CLDN16: variants seen among roughly 807,000 people sequenced by gnomAD.
The protein encoded by CLDN16 is claudin 16.
In CLDN16, 13 loss-of-function variants were observed where a neutral mutation model predicts 24.6. That is an observed-to-expected ratio of 0.53 (90% CI 0.34 to 0.84). CLDN16 has a LOEUF of 0.84. CLDN16 is among the 40% of genes least tolerant of loss of function. The pLI is 0.01. For missense variants in CLDN16, 298 were observed against 292.7 expected, an observed-to-expected ratio of 1.02 and a Z score of -0.13; for synonymous variants, 116 against 106.7, an observed-to-expected ratio of 1.09 and a Z score of -0.54.
the CLDN16 span, chr3:190,307,829 A>G: frequency 0.65 from 103,807 of 159,180 alleles, 34,932 homozygotes; most frequent in African/African-American, 0.82. Flanking sequence ...ATGTATATAT[A>G]GACGAAAAAG....
At chr3:190,355,269 T>G (rs894181241) in intron 1 of CLDN16, among the ~76,000 whole-genome samples, 2 of 151,912 alleles carry the variant, frequency 1.3e-5, no homozygotes, top group Non-Finnish European at 2.9e-5. Context: ...GTTGTTGATG[T>G]CTTTAACTTT....
chr3:190,319,230 C>G (rs9839711), upstream of CLDN16, among the ~76,000 whole-genome samples: 19,753 of 152,112 alleles, frequency 0.13, 1,409 homozygotes, highest in Middle Eastern at 0.22. Flanking sequence ...GCGAGAGGTA[C>G]AGGTGAATCA....
intron 3 of CLDN16, among the ~76,000 whole-genome samples, chr3:190,407,265 G>T (rs935927649): frequency 1.3e-5 from 2 of 152,124 alleles, no homozygotes; most frequent in Non-Finnish European, 2.9e-5. Flanking sequence ...GTGAACACAT[G>T]CATCTAACTT....
intron 1 of CLDN16, among the ~76,000 whole-genome samples, chr3:190,365,992 T>C (rs1436271157): frequency 6.6e-6 from 1 of 151,878 alleles, no homozygotes; most frequent in Non-Finnish European, 1.5e-5. Context: ...GGGCCACTCT[T>C]ACAACCAGAG....
intron 1 of CLDN16, among the ~76,000 whole-genome samples, chr3:190,360,953 C>T (rs1560087428): frequency 6.6e-6 from 1 of 151,800 alleles, no homozygotes; most frequent in Non-Finnish European, 1.5e-5. Context: ...GTGATAAACT[C>T]CATAATACGT....
the CLDN16 span, among the ~76,000 whole-genome samples, chr3:190,302,423 A>G: frequency 6.6e-6 from 1 of 152,208 alleles, no homozygotes; most frequent in Non-Finnish European, 1.5e-5. Context: ...GCACAACTCC[A>G]GGGGCACCAT....
At chr3:190,313,754 C>G in the CLDN16 span, among the ~76,000 whole-genome samples, 1 of 152,168 alleles carries the variant, frequency 6.6e-6, no homozygotes, top group African/African-American at 2.4e-5. Flanking sequence ...ATAGCACACA[C>G]AATAATTCAA....
chr3:190,324,432 C>G (rs4011796), intron 1 of CLDN16, among the ~76,000 whole-genome samples: 100,321 of 152,078 alleles, frequency 0.66, 34,347 homozygotes, highest in East Asian at 0.93. Flanking sequence ...GCAGTGAGCC[C>G]AGATCGTGCC....
At chr3:190,321,917 G>T, upstream of CLDN16, 1 of 1,153,796 alleles carries the variant, frequency 8.7e-7, no homozygotes, top group Non-Finnish European at 1.3e-6. Flanking sequence ...AACAGAATGA[G>T]CCCATAAGGG....
At chr3:190,405,653 C>T (rs984301467) in intron 3 of CLDN16, among the ~76,000 whole-genome samples, 1 of 152,066 alleles carries the variant, frequency 6.6e-6, no homozygotes, top group Non-Finnish European at 1.5e-5. Context: ...TGTGCCAAGT[C>T]CTATGTTAAA....
upstream of CLDN16, among the ~76,000 whole-genome samples, chr3:190,386,183 G>A (rs149375155): frequency 2.4e-3 from 364 of 152,218 alleles, 2 homozygotes; most frequent in African/African-American, 8.5e-3. Context: ...CAGATTTTAG[G>A]GCACAGGGAA....
intron 1 of CLDN16, among the ~76,000 whole-genome samples, chr3:190,337,364 G>C (rs752890743): frequency 6.6e-6 from 1 of 152,192 alleles, no homozygotes; most frequent in Non-Finnish European, 1.5e-5. Flanking sequence ...CAGAAACTAA[G>C]AAGAACTCAC....
In CLDN16 at chr3:190,408,326, T is replaced by C; in HGVS notation, c.395T>C (p.Ile132Thr). The change falls in exon 4 of 5, where the codon ATC (isoleucine) becomes ACC (threonine). Residue 132 changes from isoleucine (I) to threonine (T), a missense_variant. Coordinates refer to ENST00000264734, the MANE Select transcript of CLDN16 (RefSeq NM_006580.4). ...ATLLIAGTPG[I>T]IGSVWYAVDV... ...CCCTTTCTTTCAGGTACCCCAGGAATCATTGGCTCTGTGTGGTATGCTGTT... is the reference window on the plus strand; with the variant it reads ...CCCTTTCTTTCAGGTACCCCAGGAACCATTGGCTCTGTGTGGTATGCTGTT... The C allele has an allele frequency of 1.2e-6, 2 of 1,614,072 alleles. No homozygotes were observed. The highest frequency in any genetic ancestry group is 1.7e-6 in the Non-Finnish European group (2 of 1,179,938).
intron 1 of CLDN16, among the ~76,000 whole-genome samples, chr3:190,336,133 ATT>A (rs1396615355): frequency 6.6e-6 from 1 of 152,172 alleles, no homozygotes; most frequent in Non-Finnish European, 1.5e-5. Flanking sequence ...CTAATCATTA[ATT>A]TAAAACTAAG....
the CLDN16 span, chr3:190,310,245 T>G: frequency 1.2e-6 from 2 of 1,613,124 alleles, no homozygotes; most frequent in African/African-American, 1.3e-5. Flanking sequence ...GCAACTAAAA[T>G]AGCCAGACCT....
At chr3:190,373,078 A>T (rs1009420297) in intron 2 of CLDN16, among the ~76,000 whole-genome samples, 7 of 151,934 alleles carry the variant, frequency 4.6e-5, no homozygotes, top group Admixed American at 2.0e-4. Flanking sequence ...TCTGTCTCTC[A>T]GGTGTTCTTT....
At chr3:190,326,483 C>A (rs1434782354) in intron 1 of CLDN16, among the ~76,000 whole-genome samples, 1 of 152,174 alleles carries the variant, frequency 6.6e-6, no homozygotes, top group Non-Finnish European at 1.5e-5. Context: ...CCTCTCCAAG[C>A]CTTGCGATGT....
At chr3:190,406,739 C>CT (rs35773061) in intron 3 of CLDN16, among the ~76,000 whole-genome samples, 1,645 of 107,396 alleles carry the variant, frequency 0.015, 42 homozygotes, top group East Asian at 0.045. Flanking sequence ...TATTATCTGG[C>CT]TTTTTTTTTT....
At chr3:190,398,220 T>G (rs553901938) in intron 1 of CLDN16, among the ~76,000 whole-genome samples, 137 of 152,346 alleles carry the variant, frequency 9.0e-4, no homozygotes, top group Admixed American at 1.6e-3. Flanking sequence ...TTCCTATAGT[T>G]GCCGTAACAA....
Sources: gnomAD v4.1 joint callset for allele counts (sites outside exome capture counted in the v4.1 genomes callset) on GRCh38, gnomAD v4.1.1 for gene constraint, MANE v1.5 for transcripts, NCBI Gene and HGNC (gene_info 2026-07-23, HGNC 2026-07-21) for gene names.